Variants in MAP2K5 observed in about 807,000 individuals in gnomAD.
MAP2K5 encodes mitogen-activated protein kinase kinase 5, also known as dual specificity mitogen-activated protein kinase kinase 5.
MAP2K5 carries 49 observed loss-of-function variants against 83.1 expected under a neutral mutation model. The observed-to-expected ratio is 0.59, with a 90% CI of 0.47 to 0.75. The LOEUF (loss-of-function observed/expected upper bound fraction) is 0.75. MAP2K5 is among the 30% of genes least tolerant of loss of function. The probability of loss-of-function intolerance (pLI) is 0.00; values close to 1 mark genes in which losing one functional copy is unlikely to be tolerated. For missense variants in MAP2K5, 457 were observed against 557.5 expected, an observed-to-expected ratio of 0.82 and a Z score of 1.82; for synonymous variants, 202 against 191.8, an observed-to-expected ratio of 1.05 and a Z score of -0.44.
In MAP2K5 at chr15:67,746,569, C is replaced by A. The variant is rs1422645353; in HGVS notation, c.1075-1662C>A. ...GGCTTGTTACTGAAATTCTTAACCA[C>A]TTCCGGGTGGTGGTTACAGCTCCGC... On this transcript the variant is annotated intron_variant, in intron 17 of 21. Transcript: ENST00000178640. The surrounding 1 kb of genome is among the most constrained non-coding windows in gnomAD (Gnocchi z 4.1). 6.6e-6 allele frequency among the ~76,000 whole-genome samples: 1 copy of A among 152,116 alleles called. No individual in the cohort carries two copies. Among genetic ancestry groups the A allele is most frequent in the African/African-American group, 2.4e-5 (1 of 41,410 alleles).
At chr15:67,598,779 A>G (rs1222021426) in intron 7 of MAP2K5, among the ~76,000 whole-genome samples, 1 of 152,148 alleles carries the variant, frequency 6.6e-6, no homozygotes, top group African/African-American at 2.4e-5. Flanking sequence ...TGTAGACTCT[A>G]TCTACTACAT....
At chr15:67,605,629 A>G (rs1303251288) in intron 8 of MAP2K5, among the ~76,000 whole-genome samples, 1 of 152,222 alleles carries the variant, frequency 6.6e-6, no homozygotes, top group Non-Finnish European at 1.5e-5. Context: ...TCATGTGGCC[A>G]TTCAGCAGCA....
In MAP2K5 at chr15:67,676,895, T is replaced by C. The variant is rs1201694362; in HGVS notation, c.847+12250T>C. On this transcript the variant is annotated intron_variant, in intron 13 of 21. Coordinates refer to ENST00000178640, the MANE Select transcript of MAP2K5 (RefSeq NM_145160.3). This position sits in a 1 kb window ranked among gnomAD's most constrained non-coding sequence, Gnocchi z 4.8. ...AGGTTTAAGTTCTGGTTCTTCCTCTTAATTCATCTTAGCTATGTGACCTTG... is the reference window on the plus strand; with the variant it reads ...AGGTTTAAGTTCTGGTTCTTCCTCTCAATTCATCTTAGCTATGTGACCTTG... Among the ~76,000 whole-genome samples, 1 of 152,184 alleles carries C rather than the reference T, an allele frequency of 6.6e-6. No individual in the cohort carries two copies. Among genetic ancestry groups the C allele is most frequent in the Non-Finnish European group, 1.5e-5 (1 of 68,032 alleles).
In MAP2K5 at chr15:67,562,499, T is replaced by G. The variant is rs2084756114; in HGVS notation, c.185-784T>G. Among the ~76,000 whole-genome samples the G allele has an allele frequency of 6.6e-6, 1 of 152,218 alleles. No homozygotes were observed. The highest frequency in any genetic ancestry group is 2.4e-5 in the African/African-American group (1 of 41,454). On this transcript the variant is annotated intron_variant, in intron 2 of 21. Transcript: ENST00000178640. This position sits in a 1 kb window ranked among gnomAD's most constrained non-coding sequence, Gnocchi z 4.1. ...TTCTAGATGTGGCCTCTGATGATAC[T>G]TACTCAAATTTACACATTCTGGTTA...
chr15:67,593,746 A>ACTGCT (rs2085465912), intron 7 of MAP2K5, among the ~76,000 whole-genome samples: 1 of 152,248 alleles, frequency 6.6e-6, no homozygotes, highest in African/African-American at 2.4e-5. Context: ...CATCTGTGTC[A>ACTGCT]CTGCAAATAA....
In MAP2K5 at chr15:67,563,230, T is replaced by C; in HGVS notation, c.185-53T>C. 1.3e-6 allele frequency: 2 copies of C among 1,584,590 alleles called. No homozygotes were observed. The highest frequency in any genetic ancestry group is 3.7e-5 in the Admixed American group (2 of 54,722). On this transcript the variant is annotated intron_variant, in intron 2 of 21. Transcript: ENST00000178640. The surrounding 1 kb of genome is among the most constrained non-coding windows in gnomAD (Gnocchi z 4.5). ...TAAACCGTTTATATTATGTTCCCTT[T>C]GTGCATTAAACAAATGCACACCTTA...
At chr15:67,629,730 G>C (rs1303436634) in intron 8 of MAP2K5, among the ~76,000 whole-genome samples, 1 of 152,114 alleles carries the variant, frequency 6.6e-6, no homozygotes, top group Non-Finnish European at 1.5e-5. Context: ...TCTGATCTTA[G>C]CTAGTGTATA....
chr15:67,799,049 A>T (rs2141343421), intron 21 of MAP2K5, among the ~76,000 whole-genome samples: 1 of 152,340 alleles, frequency 6.6e-6, no homozygotes, highest in African/African-American at 2.4e-5. Context: ...GACACCTGTA[A>T]TCCCAGCTAC....
chr15:67,617,797 T>C (rs2086087718), intron 8 of MAP2K5, among the ~76,000 whole-genome samples: 2 of 152,162 alleles, frequency 1.3e-5, no homozygotes, highest in Non-Finnish European at 2.9e-5. Context: ...GCTCAAGTGA[T>C]CCTCTCACCT....
At position 67,768,871 on chromosome 15, in the gene MAP2K5, G is replaced by A. The variant is rs2090091542; in HGVS notation, c.1135-731G>A. ...TTCTTAAAGCCTTCCTTTGCAAACG[G>A]TAATGGGGTTTGCTCTTTGTATTAT... On this transcript the variant is annotated intron_variant, in intron 19 of 21. Transcript: ENST00000178640. The surrounding 1 kb of genome is among the most constrained non-coding windows in gnomAD (Gnocchi z 4.0). 6.6e-6 allele frequency among the ~76,000 whole-genome samples: 1 copy of A among 152,192 alleles called. No homozygotes were observed. The highest frequency in any genetic ancestry group is 1.5e-5 in the Non-Finnish European group (1 of 68,026).
At chr15:67,603,830 A>G (rs1039287291) in intron 8 of MAP2K5, among the ~76,000 whole-genome samples, 10 of 152,242 alleles carry the variant, frequency 6.6e-5, no homozygotes, top group African/African-American at 1.4e-4. Flanking sequence ...TTCAAACAGC[A>G]TGATTACATT....
At chr15:67,761,501 A>G (rs916759827) in intron 19 of MAP2K5, among the ~76,000 whole-genome samples, 1 of 152,184 alleles carries the variant, frequency 6.6e-6, no homozygotes, top group African/African-American at 2.4e-5. Flanking sequence ...TTCCCCCCTT[A>G]TCTGTAGCTG....
chr15:67,543,426 T>G lies in MAP2K5; in HGVS notation c.91T>G (p.Trp31Gly). The change falls in exon 1 of 22, where the codon TGG (tryptophan) becomes GGG (glycine). Residue 31 changes from tryptophan (W) to glycine (G), a missense_variant. Coordinates refer to ENST00000178640, the MANE Select transcript of MAP2K5 (RefSeq NM_145160.3). The surrounding 1 kb of genome is among the most constrained non-coding windows in gnomAD (Gnocchi z 4.3). Reference sequence around the variant, plus strand: ...GATCCCAAATAGTGGCGCGGTGGACTGGACAGTGCACTCCGGGCCGCAGTT... The same window carrying G: ...GATCCCAAATAGTGGCGCGGTGGACGGGACAGTGCACTCCGGGCCGCAGTT... ...IKIPNSGAVD[W>G]TVHSGPQLLF... The G allele has an allele frequency of 6.2e-7, 1 of 1,614,160 alleles. No individual in the cohort carries two copies. The highest frequency in any genetic ancestry group is 8.5e-7 in the Non-Finnish European group (1 of 1,180,026).
intron 17 of MAP2K5, among the ~76,000 whole-genome samples, chr15:67,733,726 C>G (rs1291836001): frequency 6.6e-6 from 1 of 152,206 alleles, no homozygotes; most frequent in East Asian, 1.9e-4. Context: ...TGACATATTG[C>G]TTGTCTCAAA....
Position 67,806,742 on chromosome 15 carries a change from C to T in MAP2K5, c.1339C>T (p.Pro447Ser). 1 of 1,554,288 alleles carries T rather than the reference C, an allele frequency of 6.4e-7. No individual in the cohort carries two copies. Among genetic ancestry groups the T allele is most frequent in the Non-Finnish European group, 8.7e-7 (1 of 1,151,078 alleles). Reference sequence around the variant, plus strand: ...GGAGGAGAGGCGGAGCCAGCAGGGGCCCCCGTGAGGCTGCCGCAGGGCACT... The same window carrying T: ...GGAGGAGAGGCGGAGCCAGCAGGGGTCCCCGTGAGGCTGCCGCAGGGCACT... ...ALEERRSQQG[P>S]P Residue 447 changes from proline (P) to serine (S), a missense_variant, in exon 22 of 22, where the codon CCC (proline) becomes TCC (serine). Around this residue, in one of 3 missense-constraint regions of MAP2K5, gnomAD observed 55 missense variants for 50.9 expected, o/e 1.08. Coordinates refer to ENST00000178640, the MANE Select transcript of MAP2K5 (RefSeq NM_145160.3).
chr15:67,765,398 T>C (rs1359608711), intron 19 of MAP2K5, among the ~76,000 whole-genome samples: 8 of 152,160 alleles, frequency 5.3e-5, no homozygotes, highest in African/African-American at 1.9e-4. Flanking sequence ...ATCTATACTG[T>C]AGATAGAAAA....
Position 67,618,917 on chromosome 15 carries a change from GAT to G in MAP2K5, c.546-11970_546-11969del, listed in dbSNP as rs2086115366. 3.9e-5 allele frequency among the ~76,000 whole-genome samples: 6 copies of G among 152,246 alleles called. 1 individual carries two copies. The South Asian group carries it at 1.2e-3, about 32-fold the overall frequency. On this transcript the variant is annotated intron_variant, in intron 8 of 21. Transcript: ENST00000178640. ...GTTCTCTTCACTCAGCAGCCAAAGT[GAT>G]CTTTCTGAAATATTAGGTCTCCCCC...
intron 8 of MAP2K5, among the ~76,000 whole-genome samples, chr15:67,613,620 C>T (rs1238785748): frequency 6.6e-6 from 1 of 152,058 alleles, no homozygotes; most frequent in Non-Finnish European, 1.5e-5. Context: ...TAAAATAAAT[C>T]TCCATTGAAT....
In MAP2K5 at chr15:67,778,079, G is replaced by C. The variant is rs2090268994; in HGVS notation, c.1242+5327G>C. Among the ~76,000 whole-genome samples, 1 of 152,142 alleles carries C rather than the reference G, an allele frequency of 6.6e-6. No homozygotes were observed. The highest frequency in any genetic ancestry group is 2.1e-4 in the South Asian group (1 of 4,830). ...GAAGGCATCTCATTTCTCAGCTAAG[G>C]CTTTATGTATAAGAGGTGGTAATGT... On this transcript the variant is annotated intron_variant, in intron 21 of 21. Coordinates refer to ENST00000178640, the MANE Select transcript of MAP2K5 (RefSeq NM_145160.3). This position sits in a 1 kb window ranked among gnomAD's most constrained non-coding sequence, Gnocchi z 5.0.
Sources: allele counts gnomAD v4.1 joint callset (sites outside exome capture counted in the v4.1 genomes callset), GRCh38; gene constraint gnomAD v4.1.1; regional missense constraint gnomAD v4.1.1; non-coding constraint Gnocchi (gnomAD v3.1); transcripts MANE v1.5; gene names NCBI Gene and HGNC (gene_info 2026-07-23, HGNC 2026-07-21).